The following PAPLN variants were observed in gnomAD, a reference collection of about 807,000 sequenced individuals.
The protein encoded by PAPLN is papilin, proteoglycan like sulfated glycoprotein, also known as papilin.
PAPLN carries 146 observed loss-of-function variants against 159.0 expected under a neutral mutation model. The ratio of observed to expected loss-of-function variants is 0.92; its 90% confidence interval spans 0.80 to 1.05. PAPLN has a LOEUF of 1.05. Ranked by LOEUF, PAPLN falls within the 50% of genes least tolerant of loss-of-function variation. The pLI, the probability that PAPLN is intolerant of heterozygous loss-of-function variation, is 0.00. For synonymous variants in PAPLN, 734 were observed against 702.9 expected (o/e 1.04, Z -0.70); for missense variants, 1,720 against 1,743.9 (o/e 0.99, Z 0.24).
In PAPLN at chr14:73,261,223, G is replaced by A. The variant is rs1402035107; in HGVS notation, c.2174G>A (p.Gly725Asp). Reference protein sequence around the residue: ...EPSECRGSQFGCCYDNVATAA... With the variant: ...EPSECRGSQFDCCYDNVATAA... Reference sequence around the variant, plus strand: ...AGTGAGTGCCGGGGCTCCCAGTTTGGCTGTTGCTATGACAACGTGGCCACT... The same window carrying A: ...AGTGAGTGCCGGGGCTCCCAGTTTGACTGTTGCTATGACAACGTGGCCACT... The change falls in exon 18 of 27, where the codon GGC becomes GAC. Residue 725 changes from glycine to aspartate, a missense_variant. Coordinates refer to ENST00000644200, the MANE Select transcript of PAPLN (RefSeq NM_001365906.3). The A allele has an allele frequency of 6.2e-7, 1 of 1,613,976 alleles. No individual in the cohort carries two copies. Among genetic ancestry groups the A allele is most frequent in the Admixed American group, 1.7e-5 (1 of 60,018 alleles).
Position 73,239,829 on chromosome 14 carries a change from C to T in PAPLN, c.51C>T (p.Ser17=). ...VPLLLAPAPG[S]SAPKVRRQSD... is the part of the protein sequence containing the mutation. ...TGCTGCTGGCTCCAGCGCCCGGGTC[C>T]TCGGTGAGTGCGGTCCTGCCCCGGC... The change falls in exon 2 of 27, where the codon TCC becomes TCT. Residue 17 remains serine, a synonymous_variant. Transcript: ENST00000644200. 1.3e-6 allele frequency: 2 copies of T among 1,589,514 alleles called. No homozygotes were observed. Among genetic ancestry groups the T allele is most frequent in the East Asian group, 2.3e-5 (1 of 44,288 alleles).
Position 73,246,081 on chromosome 14 carries a change from C to G in PAPLN, c.240C>G (p.Pro80=), listed in dbSNP as rs1438632141. 1.1e-5 allele frequency: 17 copies of G among 1,556,334 alleles called. No individual in the cohort carries two copies. Among genetic ancestry groups the G allele is most frequent in the Non-Finnish European group, 1.5e-5 (17 of 1,155,482 alleles). Residue 80 remains proline, a synonymous_variant, in exon 5 of 27, where the codon CCC becomes CCG. Transcript: ENST00000644200. Reference sequence around the variant, plus strand: ...TCCCCTCCGCCCCGCAGAGCTGCCCCGACGGCGCCCGGGACTTCCGGGCCG... The same window carrying G: ...TCCCCTCCGCCCCGCAGAGCTGCCCGGACGGCGCCCGGGACTTCCGGGCCG... ...SHRSCRTESC[P]DGARDFRAEQ... is the part of the protein sequence containing the mutation.
chr14:73,266,281 G>A (rs2140303568), intron 23 of PAPLN, among the ~76,000 whole-genome samples: 2 of 152,316 alleles, frequency 1.3e-5, no homozygotes, highest in South Asian at 4.1e-4. Context: ...GTTGCAGTGA[G>A]CTGAGATCGC....
chr14:73,263,731 C>T lies in PAPLN; in HGVS notation c.2810C>T (p.Pro937Leu), dbSNP rs73306834. The change falls in exon 20 of 27, where the codon CCG becomes CTG. Residue 937 changes from proline to leucine, a missense_variant. By Grantham distance (98) the Pro-to-Leu change is moderately conservative. Coordinates refer to ENST00000644200, the MANE Select transcript of PAPLN (RefSeq NM_001365906.3). ...VRLSCSDDTA[P>L]ESQAAWQKDG... ...CTCTCCTGCTCAGACGACACTGCCC[C>T]GGAATCCCAGGCTGCCTGGCAGAAA... The T allele has an allele frequency of 3.3e-3, 5,351 of 1,610,536 alleles. 117 individuals are homozygous for T. The African/African-American group carries it at 0.05, about 15-fold the overall frequency.
Position 73,265,299 on chromosome 14 carries a change from C to T in PAPLN, c.3126-71C>T. 1.3e-6 allele frequency: 2 copies of T among 1,564,546 alleles called. No individual in the cohort carries two copies. The highest frequency in any genetic ancestry group is 1.2e-5 in the South Asian group (1 of 85,890). ...GGGAGAAGGGGCCACCAGGCTTGTG[C>T]AGAGGTGCCCATGGGAGTAGGCGGG... is the stretch of plus-strand genomic sequence containing the variant. On this transcript the variant is annotated intron_variant, in intron 22 of 26. Transcript: ENST00000644200. This position sits in a 1 kb window ranked among gnomAD's most constrained non-coding sequence, Gnocchi z 4.1.
intron 11 of PAPLN, 69 bp downstream of exon 11, chr14:73,252,844 C>G (rs1885451396): frequency 6.3e-7 from 1 of 1,595,656 alleles, no homozygotes; most frequent in Non-Finnish European, 8.5e-7. Context: ...AACAAGGCCT[C>G]CAAGCTGCTT....
chr14:73,239,396 G>A lies in PAPLN; in HGVS notation c.-6-377G>A, dbSNP rs148561768. On this transcript the variant is annotated intron_variant, in intron 1 of 26. Coordinates refer to ENST00000644200, the MANE Select transcript of PAPLN (RefSeq NM_001365906.3). ...TATTAGGAGTTTTTAAACATCTGAT[G>A]TAATAGCTTTTTTAAAAGGAATCTT... is the stretch of plus-strand genomic sequence containing the variant. 2.5e-3 allele frequency among the ~76,000 whole-genome samples: 387 copies of A among 152,364 alleles called. 1 individual carries two copies. The highest frequency in any genetic ancestry group is 8.8e-3 in the African/African-American group (365 of 41,590).
At position 73,252,087 on chromosome 14, in the gene PAPLN, G is replaced by A. The variant is rs139093180; in HGVS notation, c.913G>A (p.Gly305Ser). Residue 305 changes from glycine (G) to serine (S), a missense_variant, in exon 10 of 27, where the codon GGC (glycine) becomes AGC (serine). Gly to Ser is a moderately conservative substitution (Grantham distance 56, BLOSUM62 0). Transcript: ENST00000644200. ...CCTGCCCCTGCGCCGCCCCAGCCCC[G>A]GCTTCAGCTGGAGCCACGGCTCATG... ...YHLPLRRPSP[G>S]FSWSHGSWSD... The A allele has an allele frequency of 1.9e-5, 31 of 1,610,930 alleles. No individual in the cohort carries two copies. The highest frequency in any genetic ancestry group is 1.6e-4 in the Middle Eastern group (1 of 6,080).
intron 25 of PAPLN, 30 bp from the exon 26 acceptor site, chr14:73,268,527 A>G: frequency 6.3e-7 from 1 of 1,596,324 alleles, no homozygotes. Context: ...GAGGCCCTTG[A>G]TGGCTCTCCC....
At chr14:73,236,434 C>T (rs1164463414), upstream of PAPLN, among the ~76,000 whole-genome samples, 1 of 152,046 alleles carries the variant, frequency 6.6e-6, no homozygotes, top group African/African-American at 2.4e-5. Flanking sequence ...ATGCTGGGCA[C>T]GGTGGCACTT....
At chr14:73,254,124 T>C (rs1342256515) in intron 12 of PAPLN, among the ~76,000 whole-genome samples, 163 bp downstream of exon 12, 1 of 152,164 alleles carries the variant, frequency 6.6e-6, no homozygotes, top group Non-Finnish European at 1.5e-5. Flanking sequence ...AGCAAGTGTC[T>C]GGATGAGTGG....
rs1887850910 is a variant in PAPLN at position 73,272,724 on chromosome 14, G to T, written c.*60G>T. On this transcript the variant is annotated 3_prime_UTR_variant, in exon 27 of 27. Coordinates refer to ENST00000644200, the MANE Select transcript of PAPLN (RefSeq NM_001365906.3). ...GTTCATAGGGCTAGGGAGAAAGGAAGATGGACTCTTGGCTTCCTCTCTCTG... is the reference window on the plus strand; with the variant it reads ...GTTCATAGGGCTAGGGAGAAAGGAATATGGACTCTTGGCTTCCTCTCTCTG... 3.5e-6 allele frequency: 5 copies of T among 1,413,932 alleles called. No individual in the cohort carries two copies. In the Admixed American group the frequency reaches 9.6e-5, roughly 27 times the overall value. 87.6% of individuals were successfully genotyped at this position (1,413,932 alleles called of 1,614,324 possible).
intron 6 of PAPLN, among the ~76,000 whole-genome samples, chr14:73,250,322 C>T (rs534563017): frequency 6.6e-6 from 1 of 152,306 alleles, no homozygotes; most frequent in African/African-American, 2.4e-5. Context: ...AGAACGCTAG[C>T]CCTACAATAA....
chr14:73,268,449 A>AAC (rs1310676023), intron 25 of PAPLN, 108 bp from the exon 26 acceptor site: 1 of 1,178,842 alleles, frequency 8.5e-7, no homozygotes, highest in African/African-American at 1.6e-5. Context: ...GTTTGCTCTC[A>AAC]AGGGGTGGGA....
chr14:73,245,552 G>T lies in PAPLN; in HGVS notation c.171-84G>T. ...GCTGCTCCCACTGGAGAGTCCCGCA[G>T]AAGTTGGGGCCTGCAGAGAGCCCCA... On this transcript the variant is annotated intron_variant, in intron 3 of 26. Coordinates refer to ENST00000644200, the MANE Select transcript of PAPLN (RefSeq NM_001365906.3). The surrounding 1 kb of genome is among the most constrained non-coding windows in gnomAD (Gnocchi z 4.2). 4.8e-6 allele frequency: 7 copies of T among 1,445,500 alleles called. No homozygotes were observed. In the South Asian group the frequency reaches 8.6e-5, roughly 18 times the overall value. 89.5% of individuals were successfully genotyped at this position (1,445,500 alleles called of 1,614,324 possible).
intron 25 of PAPLN, 113 bp from the exon 26 acceptor site, chr14:73,268,444 C>A: frequency 9.0e-7 from 1 of 1,111,454 alleles, no homozygotes; most frequent in Non-Finnish European, 1.3e-6. Flanking sequence ...CACCTGTTTG[C>A]TCTCAAGGGG....
At position 73,260,830 on chromosome 14, in the gene PAPLN, G is replaced by A. The variant is rs778740900; in HGVS notation, c.2106+1G>A. The A allele has an allele frequency of 6.7e-7, 1 of 1,499,352 alleles. No homozygotes were observed. Among genetic ancestry groups the A allele is most frequent in the South Asian group, 1.4e-5 (1 of 73,132 alleles). The allele number at this position is 1,499,352 out of a possible 1,614,324, so 92.9% of individuals were successfully genotyped here. ...CAGGTCAAGGGCAGTGGCTTCTACAGTAAGTGTCTGGCCTGGGGGAGGGGA... is the reference window on the plus strand; with the variant it reads ...CAGGTCAAGGGCAGTGGCTTCTACAATAAGTGTCTGGCCTGGGGGAGGGGA... On this transcript the variant is annotated splice_donor_variant, in intron 17 of 26. Transcript: ENST00000644200. LOFTEE classifies it high-confidence loss of function.
intron 2 of PAPLN, among the ~76,000 whole-genome samples, chr14:73,240,194 G>A (rs1883389641): frequency 6.6e-6 from 1 of 152,206 alleles, no homozygotes; most frequent in South Asian, 2.1e-4. Context: ...CTTCTGCCTG[G>A]AGCCAAACAC....
intron 12 of PAPLN, among the ~76,000 whole-genome samples, 196 bp from the exon 13 acceptor site, chr14:73,254,317 C>A (rs1435449924): frequency 6.6e-6 from 1 of 152,186 alleles, no homozygotes; most frequent in African/African-American, 2.4e-5. Flanking sequence ...TGGGTGACAA[C>A]CTCAGTCTGT....
Sources: gnomAD v4.1 joint callset for allele counts (sites outside exome capture counted in the v4.1 genomes callset) on GRCh38, gnomAD v4.1.1 for gene constraint, Gnocchi (gnomAD v3.1) non-coding constraint, MANE v1.5 for transcripts, NCBI Gene and HGNC (gene_info 2026-07-23, HGNC 2026-07-21) for gene names.